The following FBXL7 variants were observed in gnomAD, a reference collection of about 807,000 sequenced individuals.
FBXL7 encodes F-box and leucine rich repeat protein 7, also known as F-box/LRR-repeat protein 7.
Under a neutral mutation model 38.3 loss-of-function variants are expected in FBXL7, and 12 were observed. The ratio of observed to expected loss-of-function variants is 0.31; its 90% CI spans 0.20 to 0.51. The LOEUF (loss-of-function observed/expected upper bound fraction) is 0.51, where lower values mean the gene tolerates loss of function less well. FBXL7 is among the 20% of genes least tolerant of loss of function. The probability of loss-of-function intolerance (pLI) is 0.98; values close to 1 mark genes in which losing one functional copy is unlikely to be tolerated. For synonymous variants in FBXL7, 297 were observed against 300.9 expected (o/e 0.99, Z 0.13); for missense variants, 567 against 676.4 (o/e 0.84, Z 1.79).
At chr5:15,504,283 G>A (rs1180006506) in intron 1 of FBXL7, among the ~76,000 whole-genome samples, 2 of 152,152 alleles carry the variant, frequency 1.3e-5, no homozygotes, top group South Asian at 2.1e-4. Flanking sequence ...TTATAATGCC[G>A]TAAGGGACCA....
intron 1 of FBXL7, among the ~76,000 whole-genome samples, chr5:15,503,539 C>T (rs191425696): frequency 1.0e-3 from 152 of 152,312 alleles, no homozygotes; most frequent in African/African-American, 3.5e-3. Flanking sequence ...ATAAGGCAAA[C>T]GCCAGCCTGT....
At chr5:15,672,593 C>T (rs377554839) in intron 2 of FBXL7, among the ~76,000 whole-genome samples, 4 of 140,328 alleles carry the variant, frequency 2.9e-5, no homozygotes, top group African/African-American at 1.1e-4. Flanking sequence ...GTCTTACTGT[C>T]GCTCAGGTTG....
rs535501545 is a variant in FBXL7 at position 15,837,009 on chromosome 5, G to A, written c.128-90881G>A. Among the ~76,000 whole-genome samples the A allele has an allele frequency of 3.9e-5, 6 of 152,184 alleles. No individual in the cohort carries two copies. The South Asian group carries it at 6.2e-4, about 16-fold the overall frequency. ...CTTTGTGTTTTTAGTCCCCTCCCTC[G>A]TGTCCAGCAGACAAATATCCAGAAT... On this transcript the variant is annotated intron_variant, in intron 2 of 3. Transcript: ENST00000504595.
At chr5:15,829,760 G>A (rs973723964) in intron 2 of FBXL7, among the ~76,000 whole-genome samples, 2 of 152,166 alleles carry the variant, frequency 1.3e-5, no homozygotes, top group Non-Finnish European at 2.9e-5. Flanking sequence ...TCATTCTGCA[G>A]TGGGATCATA....
chr5:15,505,768 A>G (rs569655627), intron 1 of FBXL7, among the ~76,000 whole-genome samples: 4 of 152,138 alleles, frequency 2.6e-5, no homozygotes, highest in Non-Finnish European at 5.9e-5. Context: ...CTGAGCTTTG[A>G]GGATCCAGGT....
chr5:15,575,026 A>G (rs530955197), intron 1 of FBXL7, among the ~76,000 whole-genome samples: 3 of 152,058 alleles, frequency 2.0e-5, no homozygotes, highest in Admixed American at 6.6e-5. Context: ...TGTTTTCACA[A>G]TTGTGGGAGA....
chr5:15,827,987 A>G (rs982456030), intron 2 of FBXL7, among the ~76,000 whole-genome samples: 1 of 152,172 alleles, frequency 6.6e-6, no homozygotes, highest in African/African-American at 2.4e-5. Flanking sequence ...GCAGCTCAGA[A>G]CTGTTTTCTG....
intron 2 of FBXL7, among the ~76,000 whole-genome samples, chr5:15,714,654 C>T (rs1561096819): frequency 1.3e-5 from 2 of 151,836 alleles, no homozygotes; most frequent in South Asian, 4.2e-4. Context: ...GGAGACCATA[C>T]TAGCTAACAT....
rs562475376 is a variant in FBXL7 at position 15,522,944 on chromosome 5, CTA to C, written c.37+22234_37+22235del. Among the ~76,000 whole-genome samples the C allele has an allele frequency of 2.1e-4, 32 of 152,310 alleles. 1 individual carries two copies. In the South Asian group the frequency reaches 6.6e-3, roughly 32 times the overall value. On this transcript the variant is annotated intron_variant, in intron 1 of 3. Coordinates refer to ENST00000504595, the MANE Select transcript of FBXL7 (RefSeq NM_012304.5). The stretch of plus-strand genomic sequence containing the variant: ...TTCATAATTTTAGATGTTTCAGACA[CTA>C]TAATGTCCCATACGGTGGCAACTAG...
chr5:15,698,410 A>C (rs1175610121), intron 2 of FBXL7, among the ~76,000 whole-genome samples: 1 of 152,224 alleles, frequency 6.6e-6, no homozygotes, highest in African/African-American at 2.4e-5. Flanking sequence ...CCTGATACCG[A>C]AAAAGAAAAA....
intron 1 of FBXL7, among the ~76,000 whole-genome samples, chr5:15,509,665 G>A (rs1328919240): frequency 6.6e-6 from 1 of 152,210 alleles, no homozygotes; most frequent in Non-Finnish European, 1.5e-5. Context: ...AGGCTCTTGG[G>A]AGAAGCTAAA....
At chr5:15,597,993 C>T (rs1031325281) in intron 1 of FBXL7, among the ~76,000 whole-genome samples, 3 of 152,186 alleles carry the variant, frequency 2.0e-5, no homozygotes, top group African/African-American at 7.2e-5. Context: ...AGAAGCCAGA[C>T]CTTTCCCTTC....
intron 2 of FBXL7, among the ~76,000 whole-genome samples, chr5:15,710,919 C>G (rs1743843334): frequency 6.6e-6 from 1 of 152,098 alleles, no homozygotes. Context: ...ATTGTAATTC[C>G]CACAATTCCC....
chr5:15,738,122 A>G (rs1164641869), intron 2 of FBXL7, among the ~76,000 whole-genome samples: 1 of 152,192 alleles, frequency 6.6e-6, no homozygotes, highest in Non-Finnish European at 1.5e-5. Flanking sequence ...GAGGAGGCAT[A>G]GTATGATAAT....
intron 2 of FBXL7, among the ~76,000 whole-genome samples, chr5:15,790,553 T>G (rs1737246984): frequency 6.6e-6 from 1 of 152,234 alleles, no homozygotes; most frequent in African/African-American, 2.4e-5. Context: ...CAAATCATTT[T>G]GTCAGAGGAC....
intron 1 of FBXL7, among the ~76,000 whole-genome samples, chr5:15,528,022 T>C (rs1435665477): frequency 6.6e-6 from 1 of 152,248 alleles, no homozygotes; most frequent in Non-Finnish European, 1.5e-5. Context: ...TTTATAATTT[T>C]CATATATTAC....
intron 2 of FBXL7, among the ~76,000 whole-genome samples, chr5:15,876,273 T>C (rs756504352): frequency 7.9e-5 from 12 of 152,038 alleles, no homozygotes; most frequent in Non-Finnish European, 1.2e-4. Flanking sequence ...AGGGGAGGGA[T>C]AGCATTAGGA....
At chr5:15,930,770 T>C (rs1231419079) in intron 3 of FBXL7, among the ~76,000 whole-genome samples, 2 of 152,158 alleles carry the variant, frequency 1.3e-5, no homozygotes, top group African/African-American at 4.8e-5. Flanking sequence ...ATCCCACATA[T>C]GGGAGAAAGT....
intron 2 of FBXL7, among the ~76,000 whole-genome samples, chr5:15,869,545 A>G (rs1739862465): frequency 6.6e-6 from 1 of 152,134 alleles, no homozygotes; most frequent in Non-Finnish European, 1.5e-5. Flanking sequence ...GAATTTACTA[A>G]TTTGTTTTGG....
Sources: allele counts gnomAD v4.1 joint callset (sites outside exome capture counted in the v4.1 genomes callset), GRCh38; gene constraint gnomAD v4.1.1; transcripts MANE v1.5; gene names NCBI Gene and HGNC (gene_info 2026-07-23, HGNC 2026-07-21).